Variants in UNC5C observed in about 807,000 individuals in gnomAD.
UNC5C encodes the protein unc-5 netrin receptor C.
In UNC5C, 47 loss-of-function variants were observed where a neutral mutation model predicts 99.8. That is an observed-to-expected ratio of 0.47 (90% CI 0.37 to 0.60). The LOEUF is 0.60. Ranked by LOEUF, UNC5C falls within the 20% of genes least tolerant of loss-of-function variation. The probability of loss-of-function intolerance (pLI) is 0.00; values close to 1 mark genes in which losing one functional copy is unlikely to be tolerated. For missense variants in UNC5C, 1,062 were observed against 1,165.9 expected, an observed-to-expected ratio of 0.91 and a Z score of 1.30; for synonymous variants, 487 against 452.2, an observed-to-expected ratio of 1.08 and a Z score of -0.98.
chr4:95,369,548 C>T (rs1034077134), intron 1 of UNC5C, among the ~76,000 whole-genome samples: 1 of 151,968 alleles, frequency 6.6e-6, no homozygotes, highest in Non-Finnish European at 1.5e-5. Context: ...AAAGTGAGAT[C>T]GCATCTCCAA....
intron 10 of UNC5C, among the ~76,000 whole-genome samples, chr4:95,212,384 C>G (rs1349088667): frequency 2.6e-5 from 4 of 152,088 alleles, no homozygotes; most frequent in Non-Finnish European, 5.9e-5. Context: ...TTTTGAGATC[C>G]TATTTATACC....
chr4:95,366,279 T>C (rs1030738162), intron 1 of UNC5C, among the ~76,000 whole-genome samples: 1 of 152,210 alleles, frequency 6.6e-6, no homozygotes, highest in Non-Finnish European at 1.5e-5. Flanking sequence ...GCCTGGGCAA[T>C]GTAGTGAGAC....
intron 1 of UNC5C, among the ~76,000 whole-genome samples, chr4:95,499,101 T>C (rs776395682): frequency 1.8e-4 from 28 of 152,200 alleles, no homozygotes; most frequent in Admixed American, 3.9e-4. Context: ...GTATAAAGTT[T>C]TAAAATATAC....
At chr4:95,386,974 G>A (rs974567688) in intron 1 of UNC5C, among the ~76,000 whole-genome samples, 1 of 152,118 alleles carries the variant, frequency 6.6e-6, no homozygotes, top group Non-Finnish European at 1.5e-5. Flanking sequence ...TTGCTGCAAT[G>A]TTTATTCTAA....
intron 1 of UNC5C, among the ~76,000 whole-genome samples, chr4:95,337,229 A>C (rs1743384815): frequency 6.6e-6 from 1 of 151,892 alleles, no homozygotes; most frequent in African/African-American, 2.4e-5. Context: ...GGTCAACTAG[A>C]CTTTATTTTT....
chr4:95,361,747 G>A (rs1214969972), intron 1 of UNC5C, among the ~76,000 whole-genome samples: 2 of 151,972 alleles, frequency 1.3e-5, no homozygotes, highest in Non-Finnish European at 2.9e-5. Context: ...CAGTAATTCC[G>A]AAAAAGCTTC....
At chr4:95,535,423 G>A (rs186617257) in intron 1 of UNC5C, among the ~76,000 whole-genome samples, 1 of 152,060 alleles carries the variant, frequency 6.6e-6, no homozygotes, top group Non-Finnish European at 1.5e-5. Flanking sequence ...TCATTGTATA[G>A]CATAGACTTA....
chr4:95,204,624 A>G (rs1737808812), intron 11 of UNC5C, among the ~76,000 whole-genome samples: 1 of 152,234 alleles, frequency 6.6e-6, no homozygotes, highest in South Asian at 2.1e-4. Flanking sequence ...AGGCAGGAGA[A>G]ATCCACGCGT....
intron 1 of UNC5C, among the ~76,000 whole-genome samples, chr4:95,391,800 A>C (rs1745368406): frequency 6.7e-6 from 1 of 148,894 alleles, no homozygotes; most frequent in South Asian, 2.2e-4. Flanking sequence ...GAGAGGCCAA[A>C]GCACTGTGGC....
At chr4:95,443,417 A>AT (rs1747007698) in intron 1 of UNC5C, among the ~76,000 whole-genome samples, 1 of 152,194 alleles carries the variant, frequency 6.6e-6, no homozygotes, top group South Asian at 2.1e-4. Context: ...GTTAAATACT[A>AT]TTTCTTTAAC....
intron 10 of UNC5C, among the ~76,000 whole-genome samples, chr4:95,207,996 C>A (rs1329694434): frequency 6.6e-6 from 1 of 152,186 alleles, no homozygotes; most frequent in East Asian, 1.9e-4. Context: ...ACAGACCAAA[C>A]AACCTCAATG....
intron 1 of UNC5C, among the ~76,000 whole-genome samples, chr4:95,537,998 C>G (rs1477908649): frequency 2.0e-5 from 3 of 152,174 alleles, no homozygotes; most frequent in Non-Finnish European, 4.4e-5. Flanking sequence ...TGAATGTCAG[C>G]TTAAGCTTCT....
intron 1 of UNC5C, among the ~76,000 whole-genome samples, chr4:95,438,525 T>A (rs1039581112): frequency 2.0e-5 from 3 of 151,622 alleles, no homozygotes; most frequent in Non-Finnish European, 4.4e-5. Flanking sequence ...AACAGAAAAA[T>A]TTGGTTTGCA....
chr4:95,212,260 C>T (rs1215053560), intron 10 of UNC5C, among the ~76,000 whole-genome samples: 1 of 152,060 alleles, frequency 6.6e-6, no homozygotes, highest in Non-Finnish European at 1.5e-5. Context: ...ACCACTAATG[C>T]CCCACAGTTG....
chr4:95,177,988 G>A (rs1215163538), intron 14 of UNC5C, among the ~76,000 whole-genome samples: 1 of 152,008 alleles, frequency 6.6e-6, no homozygotes, highest in African/African-American at 2.4e-5. Context: ...GATTACAGGT[G>A]TGAGCCACCA....
intron 1 of UNC5C, among the ~76,000 whole-genome samples, chr4:95,493,380 T>C (rs1404369723): frequency 6.6e-6 from 1 of 151,430 alleles, no homozygotes; most frequent in Non-Finnish European, 1.5e-5. Flanking sequence ...GTTGGAAAGA[T>C]GGCAGGAAAT....
At chr4:95,544,971 T>TG (rs1288621325) in intron 1 of UNC5C, among the ~76,000 whole-genome samples, 1 of 152,240 alleles carries the variant, frequency 6.6e-6, no homozygotes, top group Non-Finnish European at 1.5e-5. Context: ...AGAGCACACT[T>TG]GCTGTTGGCA....
At chr4:95,515,923 T>G (rs1722202542) in intron 1 of UNC5C, among the ~76,000 whole-genome samples, 1 of 152,200 alleles carries the variant, frequency 6.6e-6, no homozygotes, top group Non-Finnish European at 1.5e-5. Context: ...AAACAATCCC[T>G]AATGATGTGG....
chr4:95,199,726 A>ACACTT (rs1418508093), intron 12 of UNC5C, among the ~76,000 whole-genome samples: 1 of 152,160 alleles, frequency 6.6e-6, no homozygotes, highest in Admixed American at 6.5e-5. Context: ...TGTAAATCAA[A>ACACTT]CACTTCAAAT....
Sources: allele counts gnomAD v4.1 joint callset (sites outside exome capture counted in the v4.1 genomes callset), GRCh38; gene constraint gnomAD v4.1.1; transcripts MANE v1.5; gene names NCBI Gene and HGNC (gene_info 2026-07-23, HGNC 2026-07-21).